SKA3: variants seen among roughly 807,000 people sequenced by gnomAD.
SKA3 encodes the protein spindle and kinetochore-associated protein 3.
In SKA3, 39 loss-of-function variants were observed where a neutral mutation model predicts 44.2. The ratio of observed to expected loss-of-function variants is 0.88; its 90% CI spans 0.68 to 1.15. The LOEUF is 1.15. SKA3 is among the 50% of genes most tolerant of loss of function. The pLI is 0.00. For missense variants in SKA3, 511 were observed against 485.8 expected (o/e 1.05, Z -0.49); for synonymous variants, 192 against 172.0 (o/e 1.12, Z -0.91).
rs1871406796 is a variant in SKA3 at position 21,175,275 on chromosome 13, G to A, written c.103+1100C>T. Among the ~76,000 whole-genome samples, 3 of 150,982 alleles carry A rather than the reference G, an allele frequency of 2.0e-5. No individual in the cohort carries two copies. The South Asian group carries it at 6.3e-4, about 32-fold the overall frequency. ...TTACAGGCGTGTGCCACCGTGCACG[G>A]CCAAATCTTTTTTTCTTTTTGAGAC... On this transcript the variant is annotated intron_variant, in intron 1 of 8. Coordinates refer to ENST00000314759, the MANE Select transcript of SKA3 (RefSeq NM_145061.6).
At chr13:21,160,041 TG>T in intron 5 of SKA3, 54 bp from the exon 6 acceptor site, 1 of 1,307,310 alleles carries the variant, frequency 7.6e-7, no homozygotes, top group Non-Finnish European at 1.1e-6. Context: ...TATGCTTAAC[TG>T]GACAGGAAGA....
Position 21,155,794 on chromosome 13 carries a change from GTTGTAT to G in SKA3, c.1131_1136del (p.Lys377_Tyr378del). On this transcript the variant is annotated inframe_deletion, in exon 8 of 9. Coordinates refer to ENST00000314759, the MANE Select transcript of SKA3 (RefSeq NM_145061.6). ...TTGCTATTGGAGTAGCTAGGTTTGA[GTTGTAT>G]TTTGATAAAAGCTAAAAAAAAAAAA... The G allele has an allele frequency of 3.2e-6, 5 of 1,544,846 alleles. No homozygotes were observed. The highest frequency in any genetic ancestry group is 4.4e-6 in the Non-Finnish European group (5 of 1,130,418).
At chr13:21,167,394 A>G (rs1020969854) in intron 4 of SKA3, among the ~76,000 whole-genome samples, 2 of 150,974 alleles carry the variant, frequency 1.3e-5, no homozygotes, top group African/African-American at 4.8e-5. Context: ...ACCTGAAGAA[A>G]CTGACAGCTC....
Position 21,170,395 on chromosome 13 carries a change from G to A in SKA3, c.331+1944C>T, listed in dbSNP as rs572250919. Among the ~76,000 whole-genome samples, 104 of 152,140 alleles carry A rather than the reference G, an allele frequency of 6.8e-4. 1 individual carries two copies. The South Asian group carries it at 0.012, about 18-fold the overall frequency. On this transcript the variant is annotated intron_variant, in intron 3 of 8. Coordinates refer to ENST00000314759, the MANE Select transcript of SKA3 (RefSeq NM_145061.6). ...GGGTCTCACCATGTTGGCTAGGCTG[G>A]TCTCGAACTCCTGACCTCAGGTGAT...
rs754810578 is a variant in SKA3, at chr13:21,161,862, C to T, written c.757G>A (p.Asp253Asn). ...ARNNKSEEAIDTESRLNDNVF... is the reference protein window; with the variant it reads ...ARNNKSEEAINTESRLNDNVF... ...TTATCATTGAGCCTGGATTCTGTAT[C>T]TATGGCCTCCTCACTGGTGTGATTC... Residue 253 changes from aspartate to asparagine, a missense_variant, in exon 5 of 9, where the codon GAT becomes AAT. Asp to Asn is a conservative substitution (Grantham distance 23). Coordinates refer to ENST00000314759, the MANE Select transcript of SKA3 (RefSeq NM_145061.6). 1 of 1,610,280 alleles carries T rather than the reference C, an allele frequency of 6.2e-7. No individual in the cohort carries two copies. The highest frequency in any genetic ancestry group is 8.5e-7 in the Non-Finnish European group (1 of 1,177,608).
At position 21,155,747 on chromosome 13, in the gene SKA3, T is replaced by C. The variant is rs1354951711; in HGVS notation, c.1184A>G (p.Lys395Arg). The change falls in exon 8 of 9, where the codon AAA becomes AGA. Residue 395 changes from lysine to arginine, a missense_variant. Transcript: ENST00000314759. ...PIAIKAVPPS[K>R]RFLKHGQNIR... The stretch of plus-strand genomic sequence containing the variant: ...GTTCTGTCCATGTTTAAGGAACCTT[T>C]TACTGGGTGGCACTGCTTTAATTGC... 3 of 1,613,146 alleles carry C rather than the reference T, an allele frequency of 1.9e-6. No individual in the cohort carries two copies. The highest frequency in any genetic ancestry group is 1.3e-5 in the African/African-American group (1 of 74,948).
Position 21,168,015 on chromosome 13 carries a change from C to A in SKA3, c.716G>T (p.Gly239Val). The change falls in exon 4 of 9, where the codon GGA becomes GTA. Residue 239 changes from glycine (G) to valine (V), a missense_variant. Transcript: ENST00000314759. Reference sequence around the variant, plus strand: ...TTTATTATTCCTCGCATTTTTAAGTCCCATTGTGTAATCTTCATTTAAACA... The same window carrying A: ...TTTATTATTCCTCGCATTTTTAAGTACCATTGTGTAATCTTCATTTAAACA... ...TMCLNEDYTMGLKNARNNKSE... is the reference protein window; with the variant it reads ...TMCLNEDYTMVLKNARNNKSE... 6.3e-7 allele frequency: 1 copy of A among 1,592,102 alleles called. No homozygotes were observed.
chr13:21,153,824 G>A lies in SKA3; in HGVS notation c.*1326C>T, dbSNP rs1182336010. ...GGTTCTGTGGATTTATATACACACG[G>A]TACACAGTGAAAGGCTGGTATACAT... On this transcript the variant is annotated 3_prime_UTR_variant, in exon 9 of 9. Transcript: ENST00000314759. 2 of 152,194 alleles carry A rather than the reference G, an allele frequency of 1.3e-5. No individual in the cohort carries two copies. Among genetic ancestry groups the A allele is most frequent in the African/African-American group, 4.8e-5 (2 of 41,420 alleles). 9.4% of individuals were successfully genotyped at this position (152,194 alleles called of 1,614,324 possible). A position where few individuals can be genotyped will look rare whatever the true frequency, so the allele number is the denominator to read the frequency against.
intron 1 of SKA3, 139 bp downstream of exon 1, chr13:21,176,236 G>C: frequency 1.5e-6 from 1 of 662,524 alleles, no homozygotes; most frequent in Non-Finnish European, 2.4e-6. Context: ...GAGACGCGCA[G>C]CACCCGCCCT....
intron 6 of SKA3, among the ~76,000 whole-genome samples, chr13:21,158,519 G>A (rs1038414840): frequency 4.6e-5 from 7 of 152,198 alleles, no homozygotes; most frequent in African/African-American, 1.4e-4. Context: ...CTACTCAGGA[G>A]ACTGAGGCAG....
intron 3 of SKA3, among the ~76,000 whole-genome samples, chr13:21,171,957 G>A (rs1372841143): frequency 6.6e-6 from 1 of 152,180 alleles, no homozygotes; most frequent in African/African-American, 2.4e-5. Flanking sequence ...CTGTGAACAA[G>A]AAAAATGAAA....
chr13:21,155,147 A>C lies in SKA3; in HGVS notation c.*3T>G. The C allele has an allele frequency of 6.2e-7, 1 of 1,612,172 alleles. No individual in the cohort carries two copies. The highest frequency in any genetic ancestry group is 8.5e-7 in the Non-Finnish European group (1 of 1,178,996). ...TTCTGTGTTGGATAGATCCACTGGAATTTCTGCAACAGATACAAATAACAA... is the reference window on the plus strand; with the variant it reads ...TTCTGTGTTGGATAGATCCACTGGACTTTCTGCAACAGATACAAATAACAA... On this transcript the variant is annotated 3_prime_UTR_variant, in exon 9 of 9. Transcript: ENST00000314759.
rs1250812863 is a variant in SKA3, at chr13:21,168,347, A to C, written c.384T>G (p.Asn128Lys). 6.2e-7 allele frequency: 1 copy of C among 1,613,860 alleles called. No homozygotes were observed. Among genetic ancestry groups the C allele is most frequent in the African/African-American group, 1.3e-5 (1 of 74,894 alleles). Residue 128 changes from asparagine (N) to lysine (K), a missense_variant, in exon 4 of 9, where the codon AAT becomes AAG. Physicochemically the swap from Asn to Lys is moderately conservative, Grantham distance 94. Transcript: ENST00000314759. ...CATCTTTCACATCAGTCTTCTGAAA[A>C]TTTTCACAATTAGACAACTCTGGGT... ...NSDPELSNCE[N>K]FQKTDVKDDL...
chr13:21,169,104 G>A (rs886813920), intron 3 of SKA3, among the ~76,000 whole-genome samples: 16 of 151,694 alleles, frequency 1.1e-4, no homozygotes, highest in Non-Finnish European at 2.2e-4. Flanking sequence ...CCAGGCTGGA[G>A]TGCAGTGGCA....
chr13:21,155,813 T>TGG lies in SKA3; in HGVS notation c.1120-3_1120-2insCC, dbSNP rs1565990686. The TGG allele has an allele frequency of 2.0e-4, 225 of 1,123,076 alleles. No individual in the cohort carries two copies. In the Middle Eastern group the frequency reaches 2.7e-3, roughly 14 times the overall value. 69.6% of individuals were successfully genotyped at this position (1,123,076 alleles called of 1,614,324 possible). A position where few individuals can be genotyped will look rare whatever the true frequency, so the allele number is the denominator to read the frequency against. ...GTTTGAGTTGTATTTTGATAAAAGCTAAAAAAAAAAAAGGAAATTCCTTTT... is the reference window on the plus strand; with the variant it reads ...GTTTGAGTTGTATTTTGATAAAAGCTGGAAAAAAAAAAAAGGAAATTCCTTTT... On this transcript the variant is annotated splice_polypyrimidine_tract_variant and splice_region_variant and intron_variant, in intron 7 of 8. Coordinates refer to ENST00000314759, the MANE Select transcript of SKA3 (RefSeq NM_145061.6).
At chr13:21,158,219 T>C in intron 6 of SKA3, 94 bp from the exon 7 acceptor site, 7 of 806,100 alleles carry the variant, frequency 8.7e-6, no homozygotes, top group Non-Finnish European at 1.2e-5. Context: ...TTGGGGTCTC[T>C]AATAGGCTCC....
chr13:21,172,507 T>C lies in SKA3; in HGVS notation c.166-3A>G, dbSNP rs773919286. ...TCAAGAAGAATATTAACATCATCCT[T>C]TTATGAATAAAGAAAGTACATTTTA... is the stretch of plus-strand genomic sequence containing the variant. On this transcript the variant is annotated splice_polypyrimidine_tract_variant and splice_region_variant and intron_variant, in intron 2 of 8. Coordinates refer to ENST00000314759, the MANE Select transcript of SKA3 (RefSeq NM_145061.6). 2 of 1,220,872 alleles carry C rather than the reference T, an allele frequency of 1.6e-6. No individual in the cohort carries two copies. Among genetic ancestry groups the C allele is most frequent in the South Asian group, 1.7e-5 (1 of 57,634 alleles). The allele number at this position is 1,220,872 out of a possible 1,614,324, so 75.6% of individuals were successfully genotyped here.
intron 4 of SKA3, among the ~76,000 whole-genome samples, chr13:21,162,156 T>A (rs1230825704): frequency 6.6e-6 from 1 of 152,182 alleles, no homozygotes; most frequent in Non-Finnish European, 1.5e-5. Context: ...TGTACACATA[T>A]AGATTAAAAA....
chr13:21,163,231 A>C (rs949619323), intron 4 of SKA3, among the ~76,000 whole-genome samples: 2 of 151,234 alleles, frequency 1.3e-5, no homozygotes, highest in South Asian at 2.1e-4. Context: ...GAAAGAAAGA[A>C]TACTACTAGT....
Sources: gnomAD v4.1 joint callset for allele counts (sites outside exome capture counted in the v4.1 genomes callset) on GRCh38, gnomAD v4.1.1 for gene constraint, MANE v1.5 for transcripts, NCBI Gene and HGNC (gene_info 2026-07-23, HGNC 2026-07-21) for gene names.